Variants in MCC observed in about 807,000 individuals in gnomAD.
The protein encoded by MCC is MCC regulator of Wnt signaling pathway.
In MCC, 90 loss-of-function variants were observed where a neutral mutation model predicts 116.2. The observed-to-expected ratio is 0.77, with a 90% confidence interval of 0.65 to 0.92. The LOEUF (loss-of-function observed/expected upper bound fraction) is 0.92. MCC is among the 40% of genes least tolerant of loss of function. The pLI, the probability that MCC is intolerant of heterozygous loss-of-function variation, is 0.00. For synonymous variants in MCC, 578 were observed against 510.5 expected (o/e 1.13, Z -1.78); for missense variants, 1,516 against 1,312.2 (o/e 1.16, Z -2.40).
intron 14 of MCC, among the ~76,000 whole-genome samples, chr5:113,059,066 G>A (rs757632201): frequency 9.9e-5 from 15 of 152,094 alleles, no homozygotes; most frequent in Non-Finnish European, 2.1e-4. Context: ...TTAGGGCCCG[G>A]AGCCTCATCC....
chr5:113,200,665 C>T (rs1481909598), intron 3 of MCC, among the ~76,000 whole-genome samples: 1 of 152,146 alleles, frequency 6.6e-6, no homozygotes, highest in Non-Finnish European at 1.5e-5. Flanking sequence ...TCGGATACAA[C>T]TTAAGTTAAA....
intron 17 of MCC, among the ~76,000 whole-genome samples, chr5:113,042,231 G>A (rs776227932): frequency 1.9e-4 from 29 of 151,554 alleles, no homozygotes; most frequent in Middle Eastern, 6.8e-3. Context: ...CAACATTTTG[G>A]GAGGCCAAGA....
At chr5:113,136,348 T>C (rs1197898629) in intron 5 of MCC, among the ~76,000 whole-genome samples, 1 of 152,102 alleles carries the variant, frequency 6.6e-6, no homozygotes, top group Admixed American at 6.6e-5. Context: ...AATAAGAAAA[T>C]ATAAATAAAA....
chr5:113,201,693 C>T (rs1268733424), intron 3 of MCC, among the ~76,000 whole-genome samples: 3 of 152,090 alleles, frequency 2.0e-5, no homozygotes, highest in South Asian at 2.1e-4. Flanking sequence ...TTTAGGTGCT[C>T]CTATAACTTC....
At chr5:113,178,359 C>T (rs560546181) in intron 3 of MCC, among the ~76,000 whole-genome samples, 2 of 152,230 alleles carry the variant, frequency 1.3e-5, no homozygotes, top group South Asian at 4.1e-4. Context: ...GTGTAGATGG[C>T]ATTAGTGCAG....
intron 3 of MCC, among the ~76,000 whole-genome samples, chr5:113,231,578 T>C (rs555672978): frequency 6.6e-6 from 1 of 152,280 alleles, no homozygotes; most frequent in East Asian, 1.9e-4. Context: ...CAGGCAAATA[T>C]GTTAATGAGC....
chr5:113,439,931 CATACCTCACT>C (rs1470099049), intron 1 of MCC, among the ~76,000 whole-genome samples: 1 of 152,104 alleles, frequency 6.6e-6, no homozygotes, highest in Non-Finnish European at 1.5e-5. Context: ...GTGGCATGAC[CATACCTCACT>C]ATAGCCTCAA....
chr5:113,168,076 T>C (rs909945239), intron 3 of MCC, among the ~76,000 whole-genome samples: 3 of 152,320 alleles, frequency 2.0e-5, no homozygotes, highest in Admixed American at 6.5e-5. Context: ...AGTGCAAACA[T>C]GGCAAATCAT....
rs1768076052 is a variant in MCC at position 113,344,058 on chromosome 5, A to G, written c.416-3328T>C. On this transcript the variant is annotated intron_variant, in intron 2 of 18. Transcript: ENST00000408903. ...GTAGGAAAGACCGTCTTGAATCACC[A>G]ACACCACTCCTCCCGTACTCTCCAG... is the stretch of plus-strand genomic sequence containing the variant. 1.3e-5 allele frequency among the ~76,000 whole-genome samples: 2 copies of G among 152,188 alleles called. 1 individual carries two copies. Among genetic ancestry groups the G allele is most frequent in the South Asian group, 4.1e-4 (2 of 4,832 alleles).
At chr5:113,268,605 GGATAC>G (rs1180820650) in intron 3 of MCC, among the ~76,000 whole-genome samples, 2 of 152,096 alleles carry the variant, frequency 1.3e-5, no homozygotes, top group African/African-American at 2.4e-5. Flanking sequence ...ACTAGGCCTA[GGATAC>G]TGCTATATAC....
At chr5:113,161,076 T>G (rs1443688) in intron 3 of MCC, among the ~76,000 whole-genome samples, 150,690 of 152,262 alleles carry the variant, frequency 0.99, 74,579 homozygotes, top group East Asian at 1. Flanking sequence ...AAATAAGTTA[T>G]TATTTTCCAC....
At chr5:113,116,727 C>T (rs1757418507) in intron 6 of MCC, among the ~76,000 whole-genome samples, 2 of 152,216 alleles carry the variant, frequency 1.3e-5, no homozygotes, top group Admixed American at 1.3e-4. Flanking sequence ...ACCCTGGTTA[C>T]TCTAAGGAAG....
chr5:113,042,414 G>A (rs1233805299), intron 17 of MCC, among the ~76,000 whole-genome samples: 1 of 145,876 alleles, frequency 6.9e-6, no homozygotes, highest in Non-Finnish European at 1.5e-5. Flanking sequence ...GATTGAGGCT[G>A]CAGTGAGCTG....
At chr5:113,131,098 T>C (rs1368168820) in intron 5 of MCC, among the ~76,000 whole-genome samples, 1 of 152,128 alleles carries the variant, frequency 6.6e-6, no homozygotes, top group Non-Finnish European at 1.5e-5. Flanking sequence ...ACAGCAGCAG[T>C]GAGCTAACGA....
rs535575007 is a variant in MCC, at chr5:113,464,748, T to C, written c.170+23497A>G. On this transcript the variant is annotated intron_variant, in intron 1 of 18. Coordinates refer to ENST00000408903, the MANE Select transcript of MCC (RefSeq NM_001085377.2). ...CAATAAATGTATGTTGAATAAAATATTTGAATAAATTAAATAACTTTAATA... is the reference window on the plus strand; with the variant it reads ...CAATAAATGTATGTTGAATAAAATACTTGAATAAATTAAATAACTTTAATA... Among the ~76,000 whole-genome samples the C allele has an allele frequency of 2.0e-5, 3 of 151,802 alleles. No individual in the cohort carries two copies. The South Asian group carries it at 6.2e-4, about 32-fold the overall frequency.
chr5:113,182,322 A>C (rs1761668517), intron 3 of MCC, among the ~76,000 whole-genome samples: 1 of 152,186 alleles, frequency 6.6e-6, no homozygotes, highest in Non-Finnish European at 1.5e-5. Flanking sequence ...CCAGTGTTCT[A>C]ATGTGGTTAA....
At chr5:113,409,892 T>C (rs1769932775) in intron 1 of MCC, among the ~76,000 whole-genome samples, 2 of 152,048 alleles carry the variant, frequency 1.3e-5, no homozygotes, top group Non-Finnish European at 2.9e-5. Context: ...TAAAATTTTA[T>C]TTTAATAAGG....
intron 5 of MCC, among the ~76,000 whole-genome samples, chr5:113,134,413 T>A (rs139604447): frequency 6.6e-6 from 1 of 152,200 alleles, no homozygotes; most frequent in Non-Finnish European, 1.5e-5. Context: ...TTCTCTATTA[T>A]GTTTCATTGC....
At chr5:113,114,901 C>CA (rs1757307918) in intron 6 of MCC, among the ~76,000 whole-genome samples, 2 of 152,176 alleles carry the variant, frequency 1.3e-5, no homozygotes, top group South Asian at 4.1e-4. Flanking sequence ...GGATGCCAAA[C>CA]AAGAGTTTGG....
Sources: allele counts gnomAD v4.1 joint callset (sites outside exome capture counted in the v4.1 genomes callset), GRCh38; gene constraint gnomAD v4.1.1; transcripts MANE v1.5; gene names NCBI Gene and HGNC (gene_info 2026-07-23, HGNC 2026-07-21).